Variants in PHGDH observed in about 807,000 individuals in gnomAD.
The protein encoded by PHGDH is D-3-phosphoglycerate dehydrogenase.
In PHGDH, 50 loss-of-function variants were observed where a neutral mutation model predicts 52.6. The ratio of observed to expected loss-of-function variants is 0.95; its 90% confidence interval spans 0.76 to 1.20. The LOEUF (loss-of-function observed/expected upper bound fraction) is 1.20. Among genes scored for constraint, PHGDH ranks in the 50% most tolerant of loss-of-function variants. PHGDH has a pLI of 0.00. For missense variants in PHGDH, 630 were observed against 684.6 expected (o/e 0.92, Z 0.89); for synonymous variants, 271 against 280.5 (o/e 0.97, Z 0.34).
chr1:119,735,273 A>G (rs201241160), intron 6 of PHGDH, 22 bp from the exon 7 acceptor site: 71 of 1,613,988 alleles, frequency 4.4e-5, no homozygotes, highest in Admixed American at 1.8e-4. Flanking sequence ...CCCCAGCAGG[A>G]AGATGCTTCG....
At chr1:119,719,157 G>C (rs1043175777) in intron 1 of PHGDH, among the ~76,000 whole-genome samples, 1 of 152,128 alleles carries the variant, frequency 6.6e-6, no homozygotes, top group African/African-American at 2.4e-5. Context: ...GTGCTCACCT[G>C]GTGTTGGCCT....
At chr1:119,733,254 T>TTATAAAAAGGGTTA (rs1553237077) in intron 5 of PHGDH, among the ~76,000 whole-genome samples, 10 of 152,214 alleles carry the variant, frequency 6.6e-5, no homozygotes, top group African/African-American at 1.7e-4. Flanking sequence ...ATCCAGAGGC[T>TTATAAAAAGGGTTA]TCACCTTAAT....
intron 5 of PHGDH, among the ~76,000 whole-genome samples, chr1:119,732,756 C>G (rs1441179630): frequency 6.6e-6 from 1 of 152,226 alleles, no homozygotes. Context: ...CTCCCCAACC[C>G]CCTCCCTCCA....
intron 7 of PHGDH, among the ~76,000 whole-genome samples, chr1:119,736,101 G>A (rs148283781): frequency 6.6e-6 from 1 of 152,338 alleles, no homozygotes; most frequent in African/African-American, 2.4e-5. Flanking sequence ...CTTTGGATTA[G>A]GTAGTTGTGG....
chr1:119,721,358 G>C (rs756075900), intron 2 of PHGDH, 37 bp downstream of exon 2: 7 of 1,606,492 alleles, frequency 4.4e-6, no homozygotes, highest in Non-Finnish European at 6.0e-6. Flanking sequence ...TGGGGGTAGG[G>C]GGGTGAGTGC....
chr1:119,726,743 G>T, intron 3 of PHGDH, 108 bp from the exon 4 acceptor site: 1 of 861,464 alleles, frequency 1.2e-6, no homozygotes, highest in Non-Finnish European at 2.0e-6. Context: ...CCCAGTTCTT[G>T]GGGAAGTGGC....
chr1:119,734,913 A>G (rs1457546841), intron 6 of PHGDH, 147 bp downstream of exon 6: 1 of 892,136 alleles, frequency 1.1e-6, no homozygotes, highest in South Asian at 1.4e-5. Context: ...GTTTTGTTAG[A>G]CACCCCTACG....
At chr1:119,724,252 T>A (rs1366121360) in intron 3 of PHGDH, 1 of 165,540 alleles carries the variant, frequency 6.0e-6, no homozygotes, top group Non-Finnish European at 1.3e-5. Flanking sequence ...CTAGGTCCCT[T>A]TGAAGCTCCA....
At chr1:119,714,370 C>T (rs587703430) in intron 1 of PHGDH, 1 of 152,230 alleles carries the variant, frequency 6.6e-6, no homozygotes, top group African/African-American at 2.4e-5. Context: ...CCTCCCTGCC[C>T]TTTCAGTGGT....
intron 6 of PHGDH, 189 bp from the exon 7 acceptor site, chr1:119,735,106 G>A: frequency 1.3e-6 from 1 of 753,666 alleles, no homozygotes; most frequent in Non-Finnish European, 2.3e-6. Flanking sequence ...GTCTGGCCCA[G>A]ATCCATAACA....
At chr1:119,734,169 C>G (rs1651828511) in intron 5 of PHGDH, 1 of 287,902 alleles carries the variant, frequency 3.5e-6, no homozygotes, top group South Asian at 3.7e-5. Context: ...TCTCCTTCTC[C>G]CTTTCCTGGC....
chr1:119,736,410 T>C (rs1427281907), intron 7 of PHGDH, among the ~76,000 whole-genome samples: 2 of 152,204 alleles, frequency 1.3e-5, no homozygotes, highest in Non-Finnish European at 1.5e-5. Context: ...CATGGTTACA[T>C]GTGGCCAGGA....
chr1:119,714,553 G>A (rs1373222060), intron 1 of PHGDH: 1 of 152,230 alleles, frequency 6.6e-6, no homozygotes, highest in Non-Finnish European at 1.5e-5. Context: ...TGGCATGTGA[G>A]TATGAAATTA....
chr1:119,739,454 C>T (rs1204995794), intron 8 of PHGDH: 1 of 152,186 alleles, frequency 6.6e-6, no homozygotes, highest in Non-Finnish European at 1.5e-5. Context: ...AGACCTGTCA[C>T]CTCCCACACT....
rs1571010631 is a variant in PHGDH at position 119,735,415 on chromosome 1, C to T, written c.764C>T (p.Ala255Val). Residue 255 changes from alanine to valine, a missense_variant, in exon 7 of 12, where the codon GCC becomes GTC. Ala to Val is a moderately conservative substitution (Grantham distance 64). Coordinates refer to ENST00000641023, the MANE Select transcript of PHGDH (RefSeq NM_006623.4). ...LLRALQSGQC[A>V]GAALDVFTEE... ...CGGGCCCTGCAGTCTGGCCAGTGTG[C>T]CGGGGCTGCACTGGACGTGTTTACG... The T allele has an allele frequency of 9.9e-6, 16 of 1,613,824 alleles. No homozygotes were observed. The highest frequency in any genetic ancestry group is 1.4e-5 in the Non-Finnish European group (16 of 1,180,022).
chr1:119,724,204 A>C lies in PHGDH; in HGVS notation c.356+763A>C, dbSNP rs1181394474. 5 of 159,492 alleles carry C rather than the reference A, an allele frequency of 3.1e-5. No individual in the cohort carries two copies. The South Asian group carries it at 5.5e-4, about 17-fold the overall frequency. The allele number at this position is 159,492 out of a possible 1,614,324, so 9.9% of individuals were successfully genotyped here. ...TTCAAGCATTTATGTGGTCAAGGGG[A>C]AGAACAAGGCTCCCAATAAACAGGG... is the stretch of plus-strand genomic sequence containing the variant. On this transcript the variant is annotated intron_variant, in intron 3 of 11. Transcript: ENST00000641023.
chr1:119,733,907 C>T lies in PHGDH; in HGVS notation c.511-727C>T, dbSNP rs1378981500. Among the ~76,000 whole-genome samples the T allele has an allele frequency of 2.0e-5, 3 of 152,150 alleles. No homozygotes were observed. In the East Asian group the frequency reaches 5.8e-4, roughly 29 times the overall value. On this transcript the variant is annotated intron_variant, in intron 5 of 11. Coordinates refer to ENST00000641023, the MANE Select transcript of PHGDH (RefSeq NM_006623.4). Reference sequence around the variant, plus strand: ...TGTGAGAGTGAGAGATGGCTGCAATCATCTGCCCAGCTCCTTTATTTAGGG... The same window carrying T: ...TGTGAGAGTGAGAGATGGCTGCAATTATCTGCCCAGCTCCTTTATTTAGGG...
At chr1:119,740,181 T>A (rs1557980756) in intron 8 of PHGDH, 2 of 592,522 alleles carry the variant, frequency 3.4e-6, no homozygotes, top group East Asian at 2.9e-5. Flanking sequence ...CTGTGTCCAT[T>A]TCTGGCTCCA....
chr1:119,737,111 C>A lies in PHGDH; in HGVS notation c.793-3C>A. 2 of 1,613,962 alleles carry A rather than the reference C, an allele frequency of 1.2e-6. No individual in the cohort carries two copies. Among genetic ancestry groups the A allele is most frequent in the African/African-American group, 1.3e-5 (1 of 75,060 alleles). On this transcript the variant is annotated splice_region_variant and splice_polypyrimidine_tract_variant and intron_variant, in intron 7 of 11. Transcript: ENST00000641023. ...CAACTTAGAGGTATCTCTTTCTGGG[C>A]AGGAGCCGCCACGGGACCGGGCCTT...
Sources: allele counts gnomAD v4.1 joint callset (sites outside exome capture counted in the v4.1 genomes callset), GRCh38; gene constraint gnomAD v4.1.1; transcripts MANE v1.5; gene names NCBI Gene and HGNC (gene_info 2026-07-23, HGNC 2026-07-21).